Variants in VWA8 observed in about 807,000 individuals in gnomAD.
VWA8 encodes von Willebrand factor A domain-containing protein 8.
A neutral mutation model predicts 241.5 loss-of-function variants in VWA8; 221 were observed. The observed-to-expected ratio is 0.91, with a 90% CI of 0.82 to 1.02. The LOEUF (loss-of-function observed/expected upper bound fraction) is 1.02. VWA8 is among the 50% of genes least tolerant of loss of function. The probability of loss-of-function intolerance (pLI) is 0.00; values close to 1 mark genes in which losing one functional copy is unlikely to be tolerated. For synonymous variants in VWA8, 852 were observed against 827.1 expected, an observed-to-expected ratio of 1.03 and a Z score of -0.52; for missense variants, 2,322 against 2,328.7, an observed-to-expected ratio of 1.00 and a Z score of 0.06.
In VWA8 at chr13:41,568,110, T is replaced by G; in HGVS notation, c.*87A>C. ...TCATCCAGTCACTGCATGGGTTCAC[T>G]TCATCCATATCTTCTTTTTTTCAGA... On this transcript the variant is annotated 3_prime_UTR_variant, in exon 45 of 45. Transcript: ENST00000379310. 7.0e-6 allele frequency: 8 copies of G among 1,150,824 alleles called. No individual in the cohort carries two copies. Among genetic ancestry groups the G allele is most frequent in the Non-Finnish European group, 1.0e-5 (8 of 775,872 alleles). 71.3% of individuals were successfully genotyped at this position (1,150,824 alleles called of 1,614,324 possible).
chr13:41,590,523 C>A, intron 41 of VWA8, 117 bp downstream of exon 41: 195 of 860,752 alleles, frequency 2.3e-4, no homozygotes, highest in Middle Eastern at 6.5e-4. Flanking sequence ...TAACATAATG[C>A]TTTCCTTGGT....
chr13:41,833,054 A>G (rs1430520146), intron 13 of VWA8, among the ~76,000 whole-genome samples: 1 of 152,166 alleles, frequency 6.6e-6, no homozygotes, highest in East Asian at 1.9e-4. Flanking sequence ...AACTTCAGCA[A>G]TGTGACATGC....
At chr13:41,722,377 A>C (rs1163972677) in intron 24 of VWA8, among the ~76,000 whole-genome samples, 1 of 152,164 alleles carries the variant, frequency 6.6e-6, no homozygotes. Context: ...AAGTAAATAG[A>C]CTTACATTAT....
At chr13:41,805,701 C>T (rs1400669477) in intron 17 of VWA8, among the ~76,000 whole-genome samples, 2 of 152,018 alleles carry the variant, frequency 1.3e-5, no homozygotes, top group Non-Finnish European at 2.9e-5. Flanking sequence ...GTAATCCCAA[C>T]TACTTGGGAG....
At chr13:41,698,928 T>C in intron 29 of VWA8, 143 bp downstream of exon 29, 1 of 1,032,728 alleles carries the variant, frequency 9.7e-7, no homozygotes, top group Non-Finnish European at 1.4e-6. Context: ...TTTGTAGTAC[T>C]GATAAAATGC....
At chr13:41,711,741 G>A (rs2045319205) in intron 26 of VWA8, among the ~76,000 whole-genome samples, 2 of 152,066 alleles carry the variant, frequency 1.3e-5, no homozygotes. Flanking sequence ...GGGCGTGGTG[G>A]CGGGTGCCTA....
chr13:41,927,652 T>C (rs144002724), intron 2 of VWA8, among the ~76,000 whole-genome samples: 1,683 of 151,740 alleles, frequency 0.011, 34 homozygotes, highest in African/African-American at 0.039. Flanking sequence ...CATAGTGTTA[T>C]AGAAAATCAT....
At chr13:41,891,271 G>A (rs1016723883) in intron 5 of VWA8, 149 bp downstream of exon 5, 3 of 865,140 alleles carry the variant, frequency 3.5e-6, no homozygotes, top group South Asian at 1.9e-5. Flanking sequence ...GTGTTGTAAA[G>A]CTGTAAATTC....
intron 4 of VWA8, among the ~76,000 whole-genome samples, chr13:41,891,816 A>G (rs1874861451): frequency 6.6e-6 from 1 of 151,726 alleles, no homozygotes; most frequent in African/African-American, 2.4e-5. Flanking sequence ...TTGAAAAAAG[A>G]GGATCGCTGA....
chr13:41,897,375 G>A (rs1875163304), intron 4 of VWA8, among the ~76,000 whole-genome samples: 1 of 152,138 alleles, frequency 6.6e-6, no homozygotes, highest in African/African-American at 2.4e-5. Context: ...AGTTAGAATG[G>A]CCACTGTGAA....
chr13:41,572,032 C>T (rs1336561811), intron 43 of VWA8, among the ~76,000 whole-genome samples: 1 of 151,772 alleles, frequency 6.6e-6, no homozygotes, highest in African/African-American at 2.4e-5. Context: ...TGTCTCTGCC[C>T]GACCACCACC....
At chr13:41,888,325 A>C (rs1254390887) in intron 5 of VWA8, among the ~76,000 whole-genome samples, 1 of 152,234 alleles carries the variant, frequency 6.6e-6, no homozygotes, top group Non-Finnish European at 1.5e-5. Context: ...CACGGCTTTC[A>C]GCAATTCTTC....
chr13:41,567,986 C>CTCA lies in VWA8; in HGVS notation c.*208_*210dup. On this transcript the variant is annotated 3_prime_UTR_variant, in exon 45 of 45. Transcript: ENST00000379310. Reference sequence around the variant, plus strand: ...CTAGCTTGCCCTAATCACTTCTAAACTCATCAGTGGAGTATCTTTCCATGT... The same window carrying CTCA: ...CTAGCTTGCCCTAATCACTTCTAAACTCATCATCAGTGGAGTATCTTTCCATGT... 1 of 534,544 alleles carries CTCA rather than the reference C, an allele frequency of 1.9e-6. No homozygotes were observed. Among genetic ancestry groups the CTCA allele is most frequent in the African/African-American group, 1.9e-5 (1 of 51,914 alleles). The allele number at this position is 534,544 out of a possible 1,614,324, so 33.1% of individuals were successfully genotyped here.
intron 21 of VWA8, among the ~76,000 whole-genome samples, chr13:41,755,389 A>G (rs1593747914): frequency 6.6e-6 from 1 of 152,160 alleles, no homozygotes; most frequent in South Asian, 2.1e-4. Flanking sequence ...ATTGTTGGAG[A>G]TACTTAGGGC....
chr13:41,709,044 C>T (rs552290426), intron 26 of VWA8, among the ~76,000 whole-genome samples: 41 of 152,130 alleles, frequency 2.7e-4, no homozygotes, highest in Non-Finnish European at 4.7e-4. Context: ...TAATCGTCCA[C>T]GACAAGAATA....
intron 17 of VWA8, among the ~76,000 whole-genome samples, chr13:41,803,242 A>G (rs1242324702): frequency 1.2e-4 from 18 of 152,166 alleles, no homozygotes; most frequent in Admixed American, 8.5e-4. Context: ...TACAATAAAT[A>G]CTCAACTCTT....
chr13:41,888,703 G>T (rs545182460), intron 5 of VWA8, among the ~76,000 whole-genome samples: 1 of 152,136 alleles, frequency 6.6e-6, no homozygotes, highest in African/African-American at 2.4e-5. Flanking sequence ...ATTTATTTGT[G>T]CATTTGCTTC....
chr13:41,605,234 ATAGGTTGC>A lies in VWA8; in HGVS notation c.4912_4919del (p.Ala1638Ter), dbSNP rs1177163209. On this transcript the variant is annotated frameshift_variant, in exon 40 of 45. Coordinates refer to ENST00000379310, the MANE Select transcript of VWA8 (RefSeq NM_015058.2). LOFTEE classifies it high-confidence loss of function. ...GCCGAACAGCACCTGAAAACCTTTC[ATAGGTTGC>A]AGCATCGTATTCACTCATTTGGATC... The A allele has an allele frequency of 2.5e-6, 4 of 1,613,240 alleles. No individual in the cohort carries two copies. Among genetic ancestry groups the A allele is most frequent in the Non-Finnish European group, 3.4e-6 (4 of 1,179,372 alleles).
At chr13:41,661,587 CTT>C (rs916186567) in intron 37 of VWA8, among the ~76,000 whole-genome samples, 2 of 151,574 alleles carry the variant, frequency 1.3e-5, no homozygotes, top group Non-Finnish European at 2.9e-5. Flanking sequence ...TAGATTGAGA[CTT>C]TTTTTTTCTT....
Sources: gnomAD v4.1 joint callset for allele counts (sites outside exome capture counted in the v4.1 genomes callset) on GRCh38, gnomAD v4.1.1 for gene constraint, MANE v1.5 for transcripts, NCBI Gene and HGNC (gene_info 2026-07-23, HGNC 2026-07-21) for gene names.